The following DMXL1 variants were observed in gnomAD, a reference collection of about 807,000 sequenced individuals.
DMXL1 encodes dmX-like protein 1.
Under a neutral mutation model 319.2 loss-of-function variants are expected in DMXL1, and 99 were observed. The observed-to-expected ratio is 0.31, with a 90% confidence interval of 0.26 to 0.37. DMXL1 has a LOEUF of 0.37. Among genes scored for constraint, DMXL1 ranks in the 10% least tolerant of loss-of-function variants. The pLI is 1.00. For synonymous variants in DMXL1, 1,385 were observed against 1,235.2 expected, an observed-to-expected ratio of 1.12 and a Z score of -2.54; for missense variants, 3,745 against 3,595.6, an observed-to-expected ratio of 1.04 and a Z score of -1.06.
chr5:119,139,591 A>G (rs928974869), intron 13 of DMXL1, among the ~76,000 whole-genome samples: 1 of 152,216 alleles, frequency 6.6e-6, no homozygotes, highest in Non-Finnish European at 1.5e-5. Flanking sequence ...GTAAATATAT[A>G]TGCAACCAAC....
chr5:119,161,052 G>A (rs1009840853), intron 19 of DMXL1, among the ~76,000 whole-genome samples: 9 of 152,186 alleles, frequency 5.9e-5, no homozygotes, highest in Non-Finnish European at 1.3e-4. Flanking sequence ...CCATTCTCGT[G>A]TATTTGCTTT....
Position 119,129,435 on chromosome 5 carries a change from G to A in DMXL1, c.1315+12G>A, listed in dbSNP as rs1265473016. The A allele has an allele frequency of 4.5e-6, 7 of 1,570,564 alleles. No homozygotes were observed. Among genetic ancestry groups the A allele is most frequent in the Non-Finnish European group, 6.0e-6 (7 of 1,159,240 alleles). ...AAAATCTGATGAAGGTAAACTTTAAGAGGAAAGGAAAATTTAAAGTTTTGC... is the reference window on the plus strand; with the variant it reads ...AAAATCTGATGAAGGTAAACTTTAAAAGGAAAGGAAAATTTAAAGTTTTGC... On this transcript the variant is annotated intron_variant, in intron 10 of 43. Transcript: ENST00000539542.
intron 32 of DMXL1, among the ~76,000 whole-genome samples, chr5:119,202,885 T>TATATATA (rs1554139437): frequency 2.1e-4 from 27 of 130,770 alleles, no homozygotes; most frequent in South Asian, 9.2e-4. Context: ...ATATATATTT[T>TATATATA]TATATATATA....
chr5:119,161,609 C>A (rs1302156557), intron 19 of DMXL1, among the ~76,000 whole-genome samples: 1 of 152,182 alleles, frequency 6.6e-6, no homozygotes, highest in Non-Finnish European at 1.5e-5. Context: ...TCGGTGTCTC[C>A]CTGCCTGGGT....
intron 20 of DMXL1, among the ~76,000 whole-genome samples, chr5:119,164,941 T>A (rs1773099937): frequency 6.9e-6 from 1 of 145,168 alleles, no homozygotes; most frequent in Non-Finnish European, 1.6e-5. Context: ...TAGAAAAATT[T>A]AAAAATAGTA....
chr5:119,226,401 T>C (rs370410195), intron 38 of DMXL1, among the ~76,000 whole-genome samples: 3 of 152,218 alleles, frequency 2.0e-5, no homozygotes, highest in African/African-American at 7.2e-5. Flanking sequence ...TCAAGATAGC[T>C]GTTTTCTTTC....
chr5:119,202,886 TATA>T (rs1387414630), intron 32 of DMXL1, among the ~76,000 whole-genome samples: 10 of 64,120 alleles, frequency 1.6e-4, no homozygotes, highest in African/African-American at 2.7e-4. Flanking sequence ...TATATATTTT[TATA>T]TATATATATA....
intron 38 of DMXL1, 72 bp from the exon 39 acceptor site, chr5:119,233,268 A>G: frequency 6.8e-7 from 1 of 1,467,762 alleles, no homozygotes; most frequent in Non-Finnish European, 9.3e-7. Flanking sequence ...AGATTTTCAC[A>G]TAGGATAAAG....
chr5:119,246,468 T>C (rs531466707), intron 43 of DMXL1, among the ~76,000 whole-genome samples: 1 of 152,308 alleles, frequency 6.6e-6, no homozygotes, highest in East Asian at 1.9e-4. Context: ...GATGGATTTT[T>C]AAGTATTTTG....
At chr5:119,120,428 T>A (rs76182038) in intron 8 of DMXL1, among the ~76,000 whole-genome samples, 2,101 of 152,346 alleles carry the variant, frequency 0.014, 24 homozygotes, top group Middle Eastern at 0.065. Context: ...AGCTAGATGA[T>A]CTTGGGTTCT....
intron 7 of DMXL1, among the ~76,000 whole-genome samples, chr5:119,118,411 T>G (rs529458598): frequency 1.3e-5 from 2 of 152,220 alleles, no homozygotes; most frequent in East Asian, 3.9e-4. Context: ...ACTGAGAGAT[T>G]GTGGCTTAAT....
chr5:119,150,794 A>G (rs1039007920), intron 18 of DMXL1, among the ~76,000 whole-genome samples: 2 of 152,048 alleles, frequency 1.3e-5, no homozygotes, highest in African/African-American at 4.8e-5. Context: ...GTCTCTTAAA[A>G]AAAAAAATAC....
Position 119,133,157 on chromosome 5 carries a change from G to A in DMXL1, c.1341G>A (p.Leu447=). 6.2e-7 allele frequency: 1 copy of A among 1,614,090 alleles called. No individual in the cohort carries two copies. The highest frequency in any genetic ancestry group is 8.5e-7 in the Non-Finnish European group (1 of 1,180,006). Residue 447 remains leucine, a synonymous_variant, in exon 11 of 44, where the codon CTG becomes CTA. Coordinates refer to ENST00000539542, the MANE Select transcript of DMXL1 (RefSeq NM_001290321.3). ...DEETDDGVDD[L]KINPEKKELG... ...AAACTGATGATGGTGTTGATGATCT[G>A]AAAATAAATCCCGAAAAGAAGGAAT...
In DMXL1 at chr5:119,187,788, G is replaced by A. The variant is rs183579406; in HGVS notation, c.7136-1920G>A. On this transcript the variant is annotated intron_variant, in intron 28 of 43. Coordinates refer to ENST00000539542, the MANE Select transcript of DMXL1 (RefSeq NM_001290321.3). ...AGCAATTCTCCTGTCTCAGCCTCCC[G>A]AGTAGCTGGGATTACAGGCACGTGC... 2.2e-4 allele frequency among the ~76,000 whole-genome samples: 34 copies of A among 152,080 alleles called. No individual in the cohort carries two copies. The East Asian group carries it at 5.8e-3, about 26-fold the overall frequency.
chr5:119,173,776 G>GTGTGTGTATATATATATATA lies in DMXL1; in HGVS notation c.6682-1484_6682-1483insGTGTGTATATATATATATAT. 2.5e-3 allele frequency among the ~76,000 whole-genome samples: 168 copies of GTGTGTGTATATATATATATA among 67,154 alleles called. 6 individuals carry two copies. The highest frequency in any genetic ancestry group is 9.0e-3 in the African/African-American group (162 of 18,002). 44.1% of individuals were successfully genotyped at this position (67,154 alleles called of 152,430 possible). On this transcript the variant is annotated intron_variant, in intron 25 of 43. Transcript: ENST00000539542. Reference sequence around the variant, plus strand: ...TGTGTATATATATATATGTGTGTGTGTATATATATATATATATATATAATG... The same window carrying GTGTGTGTATATATATATATA: ...TGTGTATATATATATATGTGTGTGTGTGTGTGTATATATATATATATATATATATATATATATATATAATG...
rs760878427 is a variant in DMXL1 at position 119,178,080 on chromosome 5, C to G, written c.6971C>G (p.Thr2324Arg). The G allele has an allele frequency of 1.2e-6, 2 of 1,613,880 alleles. No homozygotes were observed. The highest frequency in any genetic ancestry group is 1.7e-6 in the Non-Finnish European group (2 of 1,179,864). ...GLTVLLCEIL[T>R]AVYLSLFIHG... is the part of the protein sequence containing the mutation. Reference sequence around the variant, plus strand: ...ACAGTCTTGCTCTGTGAGATTCTCACAGCAGTGTATCTTAGTCTCTTCATC... The same window carrying G: ...ACAGTCTTGCTCTGTGAGATTCTCAGAGCAGTGTATCTTAGTCTCTTCATC... Residue 2324 changes from threonine (T) to arginine (R), a missense_variant, in exon 28 of 44, where the codon ACA (threonine) becomes AGA (arginine). Physicochemically the swap from Thr to Arg is moderately conservative, Grantham distance 71 (BLOSUM62 -1). Transcript: ENST00000539542.
At chr5:119,225,362 A>G (rs1785344982) in intron 38 of DMXL1, among the ~76,000 whole-genome samples, 1 of 152,010 alleles carries the variant, frequency 6.6e-6, no homozygotes, top group Non-Finnish European at 1.5e-5. Flanking sequence ...CCTTCAACCA[A>G]GAACTTAATT....
intron 28 of DMXL1, 119 bp downstream of exon 28, chr5:119,178,363 A>G (rs1776209506): frequency 3.4e-6 from 4 of 1,170,828 alleles, no homozygotes; most frequent in African/African-American, 3.1e-5. Flanking sequence ...ATTTGCGAAA[A>G]GCATAAACAA....
At chr5:119,127,938 A>G in intron 9 of DMXL1, 1 of 375,554 alleles carries the variant, frequency 2.7e-6, no homozygotes, top group Non-Finnish European at 5.4e-6. Context: ...CTTAGTATCA[A>G]ATGGTTTAAG....
Sources: gnomAD v4.1 joint callset for allele counts (sites outside exome capture counted in the v4.1 genomes callset) on GRCh38, gnomAD v4.1.1 for gene constraint, MANE v1.5 for transcripts, NCBI Gene and HGNC (gene_info 2026-07-23, HGNC 2026-07-21) for gene names.